The following PPP1R3B variants were observed in gnomAD, a reference collection of about 807,000 sequenced individuals.
PPP1R3B encodes PP1 subunit R4.
In PPP1R3B, 8 loss-of-function variants were observed where a neutral mutation model predicts 14.6. That is an observed-to-expected ratio of 0.55 (90% CI 0.32 to 0.99). The LOEUF is 0.99. Ranked by LOEUF, PPP1R3B falls within the 50% of genes least tolerant of loss-of-function variation. The pLI, the probability that PPP1R3B is intolerant of heterozygous loss-of-function variation, is 0.04. For synonymous variants in PPP1R3B, 169 were observed against 142.0 expected (o/e 1.19, Z -1.35); for missense variants, 452 against 360.1 (o/e 1.26, Z -2.07).
chr8:9,144,732 T>C (rs1801184057), intron 1 of PPP1R3B, among the ~76,000 whole-genome samples: 1 of 152,232 alleles, frequency 6.6e-6, no homozygotes, highest in African/African-American at 2.4e-5. Flanking sequence ...GATGTACTTT[T>C]ATTTTTACTG....
chr8:9,149,299 C>T (rs922551961), intron 1 of PPP1R3B, among the ~76,000 whole-genome samples: 4 of 148,030 alleles, frequency 2.7e-5, no homozygotes, highest in Admixed American at 6.7e-5. Flanking sequence ...AGGAGATCGA[C>T]ACCATCCTGG....
intron 1 of PPP1R3B, among the ~76,000 whole-genome samples, chr8:9,143,205 C>T (rs7013211): frequency 0.036 from 5,450 of 152,234 alleles, 242 homozygotes; most frequent in South Asian, 0.17. Flanking sequence ...GCCATCCTAA[C>T]GGGTGTGACG....
chr8:9,148,318 ACT>A (rs1389054025), intron 1 of PPP1R3B, among the ~76,000 whole-genome samples: 1 of 151,918 alleles, frequency 6.6e-6, no homozygotes, highest in African/African-American at 2.4e-5. Flanking sequence ...CTCCTGACAG[ACT>A]CTCTGGCTGC....
At chr8:9,144,224 G>A (rs1462681017) in intron 1 of PPP1R3B, among the ~76,000 whole-genome samples, 1 of 136,694 alleles carries the variant, frequency 7.3e-6, no homozygotes, top group Non-Finnish European at 1.5e-5. Context: ...GTCTTACTCT[G>A]TCACCTAGGC....
intron 1 of PPP1R3B, among the ~76,000 whole-genome samples, chr8:9,146,521 A>C (rs990910238): frequency 6.6e-6 from 1 of 152,200 alleles, no homozygotes; most frequent in Non-Finnish European, 1.5e-5. Flanking sequence ...GAACGGACGA[A>C]CACATATCAG....
rs931893352 is a variant in PPP1R3B at position 9,140,601 on chromosome 8, G to A, written c.*193C>T. On this transcript the variant is annotated 3_prime_UTR_variant, in exon 2 of 2. Transcript: ENST00000310455. ...CAGCCACCACTGCTCCTTTGAGTGA[G>A]ACACTGGTTGTGTAATCTGAACCTG... 8 of 634,626 alleles carry A rather than the reference G, an allele frequency of 1.3e-5. No homozygotes were observed. In the East Asian group the frequency reaches 2.2e-4, roughly 17 times the overall value. The allele number at this position is 634,626 out of a possible 1,614,324, so 39.3% of individuals were successfully genotyped here.
chr8:9,143,847 G>A (rs948081596), intron 1 of PPP1R3B, among the ~76,000 whole-genome samples: 1 of 152,094 alleles, frequency 6.6e-6, no homozygotes. Flanking sequence ...GGATAAATCT[G>A]AGTTAACAAA....
chr8:9,151,170 A>G (rs1801419285), upstream of PPP1R3B, among the ~76,000 whole-genome samples: 1 of 152,144 alleles, frequency 6.6e-6, no homozygotes, highest in African/African-American at 2.4e-5. Flanking sequence ...CGCCCTCTCC[A>G]CGCTGAAGCA....
In PPP1R3B at chr8:9,136,982, T is replaced by G. The variant is rs919463755; in HGVS notation, c.*3812A>C. On this transcript the variant is annotated 3_prime_UTR_variant, in exon 2 of 2. Coordinates refer to ENST00000310455, the MANE Select transcript of PPP1R3B (RefSeq NM_024607.4). Reference sequence around the variant, plus strand: ...ATGCCTTTTTTCAAAAAGAAAATGGTTTGAAAAGATCAAAACCACAGAGCA... The same window carrying G: ...ATGCCTTTTTTCAAAAAGAAAATGGGTTGAAAAGATCAAAACCACAGAGCA... 1 of 152,254 alleles carries G rather than the reference T, an allele frequency of 6.6e-6. No individual in the cohort carries two copies. The highest frequency in any genetic ancestry group is 2.1e-4 in the South Asian group (1 of 4,830). The allele number at this position is 152,254 out of a possible 1,614,324, so 9.4% of individuals were successfully genotyped here. A position where few individuals can be genotyped will look rare whatever the true frequency, so the allele number is the denominator to read the frequency against.
At chr8:9,141,792 G>T in intron 1 of PPP1R3B, 124 bp from the exon 2 acceptor site, 1 of 842,416 alleles carries the variant, frequency 1.2e-6, no homozygotes, top group Non-Finnish European at 1.7e-6. Context: ...TGCCCACCTG[G>T]CTACAGGTCA....
upstream of PPP1R3B, chr8:9,151,443 G>T (rs1225621614): frequency 1.2e-5 from 2 of 164,708 alleles, no homozygotes; most frequent in Middle Eastern, 2.7e-3. Flanking sequence ...CAGGAGCTGG[G>T]CCCGGGCTCG....
At chr8:9,141,760 A>G in intron 1 of PPP1R3B, 92 bp from the exon 2 acceptor site, 6 of 1,264,114 alleles carry the variant, frequency 4.7e-6, no homozygotes, top group South Asian at 3.0e-5. Flanking sequence ...AGGGACTGGC[A>G]AACAATATTT....
chr8:9,147,830 C>G (rs1190032267), intron 1 of PPP1R3B, among the ~76,000 whole-genome samples: 2 of 151,976 alleles, frequency 1.3e-5, no homozygotes, highest in Non-Finnish European at 2.9e-5. Context: ...ACTGCTATTA[C>G]AAGATTCTTC....
chr8:9,143,827 T>G (rs1411285523), intron 1 of PPP1R3B, among the ~76,000 whole-genome samples: 1 of 152,188 alleles, frequency 6.6e-6, no homozygotes, highest in African/African-American at 2.4e-5. Flanking sequence ...AAGAGAATCA[T>G]GCTGAAAGAG....
chr8:9,142,580 T>G (rs966071782), intron 1 of PPP1R3B, among the ~76,000 whole-genome samples: 1 of 152,140 alleles, frequency 6.6e-6, no homozygotes, highest in Non-Finnish European at 1.5e-5. Flanking sequence ...TTACCAAGTA[T>G]AGGCACCATA....
chr8:9,146,490 A>C (rs892379674), intron 1 of PPP1R3B, among the ~76,000 whole-genome samples: 1 of 151,892 alleles, frequency 6.6e-6, no homozygotes, highest in Non-Finnish European at 1.5e-5. Context: ...GTGATTAACC[A>C]AACATGTAAA....
chr8:9,136,573 A>G lies in PPP1R3B; in HGVS notation c.*4221T>C, dbSNP rs890137770. 1 of 152,230 alleles carries G rather than the reference A, an allele frequency of 6.6e-6. No homozygotes were observed. The highest frequency in any genetic ancestry group is 2.4e-5 in the African/African-American group (1 of 41,464). The allele number at this position is 152,230 out of a possible 1,614,324, so 9.4% of individuals were successfully genotyped here. A position where few individuals can be genotyped will look rare whatever the true frequency, so the allele number is the denominator to read the frequency against. ...GACTAAAAACATTCACGGCTTTACA[A>G]TGTGGGTTACAGAGCTTTACAACCA... On this transcript the variant is annotated 3_prime_UTR_variant, in exon 2 of 2. Transcript: ENST00000310455.
rs1245858658 is a variant in PPP1R3B, at chr8:9,137,447, G to A, written c.*3347C>T. ...TTGTAACCATAACCAAGAGCTGTCT[G>A]AAGGCAAATCTACAAGTCAAGGTGC... On this transcript the variant is annotated 3_prime_UTR_variant, in exon 2 of 2. Coordinates refer to ENST00000310455, the MANE Select transcript of PPP1R3B (RefSeq NM_024607.4). 6.6e-6 allele frequency: 1 copy of A among 152,196 alleles called. No homozygotes were observed. Among genetic ancestry groups the A allele is most frequent in the Non-Finnish European group, 1.5e-5 (1 of 68,048 alleles). The allele number at this position is 152,196 out of a possible 1,614,324, so 9.4% of individuals were successfully genotyped here.
chr8:9,138,788 C>G lies in PPP1R3B; in HGVS notation c.*2006G>C, dbSNP rs1194764235. The G allele has an allele frequency of 6.6e-6, 1 of 152,214 alleles. No individual in the cohort carries two copies. The highest frequency in any genetic ancestry group is 1.9e-4 in the East Asian group (1 of 5,184). 9.4% of individuals were successfully genotyped at this position (152,214 alleles called of 1,614,324 possible). ...CGTTTAACCAAACTCCAAAAACAAA[C>G]AAAAATAGAAAATAAAAAACCAACT... On this transcript the variant is annotated 3_prime_UTR_variant, in exon 2 of 2. Coordinates refer to ENST00000310455, the MANE Select transcript of PPP1R3B (RefSeq NM_024607.4).
Sources: gnomAD v4.1 joint callset for allele counts (sites outside exome capture counted in the v4.1 genomes callset) on GRCh38, gnomAD v4.1.1 for gene constraint, MANE v1.5 for transcripts, NCBI Gene and HGNC (gene_info 2026-07-23, HGNC 2026-07-21) for gene names.